Variants in CYP4F22 observed in about 807,000 individuals in gnomAD.
CYP4F22 encodes the protein ultra-long-chain fatty acid omega-hydroxylase.
CYP4F22 carries 37 observed loss-of-function variants against 60.4 expected under a neutral mutation model. The ratio of observed to expected loss-of-function variants is 0.61; its 90% CI spans 0.47 to 0.81. CYP4F22 has a LOEUF of 0.81. Among genes scored for constraint, CYP4F22 ranks in the 30% least tolerant of loss-of-function variants. CYP4F22 has a pLI of 0.00. For synonymous variants in CYP4F22, 258 were observed against 280.5 expected (o/e 0.92, Z 0.80); for missense variants, 655 against 715.0 (o/e 0.92, Z 0.96).
intron 1 of CYP4F22, among the ~76,000 whole-genome samples, chr19:15,511,213 T>C (rs1971088279): frequency 6.6e-6 from 1 of 150,994 alleles, no homozygotes; most frequent in Admixed American, 6.6e-5. Flanking sequence ...TGATCCTCCC[T>C]CCTCCCAAAG....
At chr19:15,535,519 C>T (rs1971385275) in intron 4 of CYP4F22, among the ~76,000 whole-genome samples, 1 of 152,166 alleles carries the variant, frequency 6.6e-6, no homozygotes, top group South Asian at 2.1e-4. Flanking sequence ...CCCATTCAGC[C>T]CCAAATCTGT....
At chr19:15,517,457 A>G (rs1971169301) in intron 1 of CYP4F22, among the ~76,000 whole-genome samples, 2 of 152,178 alleles carry the variant, frequency 1.3e-5, no homozygotes, top group South Asian at 4.1e-4. Context: ...AAGCGGACAC[A>G]GGGCTCCACA....
At chr19:15,533,878 T>A (rs1971369613) in intron 4 of CYP4F22, among the ~76,000 whole-genome samples, 1 of 152,102 alleles carries the variant, frequency 6.6e-6, no homozygotes, top group Non-Finnish European at 1.5e-5. Flanking sequence ...CATTCACCTT[T>A]TGGATGTTGT....
chr19:15,545,153 A>G (rs913561053), intron 10 of CYP4F22, among the ~76,000 whole-genome samples: 17 of 152,118 alleles, frequency 1.1e-4, no homozygotes, highest in Middle Eastern at 3.4e-3. Flanking sequence ...TGCATTGGCT[A>G]AAACAAGTCA....
chr19:15,510,966 A>ATATTTTTTTTTTTT (rs34055543), intron 1 of CYP4F22, among the ~76,000 whole-genome samples: 4 of 103,306 alleles, frequency 3.9e-5, no homozygotes, highest in African/African-American at 1.8e-4. Context: ...ATATATATAT[A>ATATTTTTTTTTTTT]TTTTTTTTTT....
intron 12 of CYP4F22, among the ~76,000 whole-genome samples, chr19:15,549,591 G>A (rs577755436): frequency 6.6e-6 from 1 of 152,258 alleles, no homozygotes; most frequent in East Asian, 1.9e-4. Context: ...ACTTTGAGAG[G>A]CTAAGGTGGG....
At chr19:15,549,009 A>C in intron 11 of CYP4F22, 129 bp from the exon 12 acceptor site, 2 of 980,186 alleles carry the variant, frequency 2.0e-6, no homozygotes, top group South Asian at 2.8e-5. Flanking sequence ...TTTTTAGAGA[A>C]GGATGGACAG....
chr19:15,551,158 C>T (rs1259153882), intron 13 of CYP4F22, 136 bp from the exon 14 acceptor site: 1 of 1,162,394 alleles, frequency 8.6e-7, no homozygotes, highest in Non-Finnish European at 1.2e-6. Context: ...CACTTTAACC[C>T]TCACCCAGCG....
At position 15,543,779 on chromosome 19, in the gene CYP4F22, C is replaced by T. The variant is rs371887446; in HGVS notation, c.940-192C>T. ...GGCTGAGGCACGAGAATCACTTGAA[C>T]CTGACAGTCGGAGGCTGCAGTTAGC... On this transcript the variant is annotated intron_variant, in intron 8 of 13. Coordinates refer to ENST00000269703, the MANE Select transcript of CYP4F22 (RefSeq NM_173483.4). Among the ~76,000 whole-genome samples the T allele has an allele frequency of 2.4e-4, 36 of 150,856 alleles. No homozygotes were observed. In the East Asian group the frequency reaches 2.7e-3, roughly 11 times the overall value.
chr19:15,516,764 GA>G, intron 1 of CYP4F22: 2 of 601,892 alleles, frequency 3.3e-6, no homozygotes, highest in Admixed American at 3.0e-5. Context: ...CTGGACTCTG[GA>G]AAGATAGTCC....
In CYP4F22 at chr19:15,537,647, C is replaced by T. The variant is rs377373101; in HGVS notation, c.534C>T (p.Ser178=). The change falls in exon 6 of 14, where the codon AGC becomes AGT. Residue 178 remains serine, a synonymous_variant. Coordinates refer to ENST00000269703, the MANE Select transcript of CYP4F22 (RefSeq NM_173483.4). The part of the protein sequence containing the change: ...LKPYMKIFNQ[S]ADIMHAKWRH... ...CTTACATGAAGATCTTCAACCAGAGCGCTGACATTATGCATGTGAGTCCTA... is the reference window on the plus strand; with the variant it reads ...CTTACATGAAGATCTTCAACCAGAGTGCTGACATTATGCATGTGAGTCCTA... The T allele has an allele frequency of 3.5e-5, 56 of 1,613,128 alleles. No homozygotes were observed. The highest frequency in any genetic ancestry group is 1.6e-4 in the Middle Eastern group (1 of 6,084).
chr19:15,537,098 A>C (rs1971402830), intron 4 of CYP4F22, among the ~76,000 whole-genome samples: 1 of 152,162 alleles, frequency 6.6e-6, no homozygotes, highest in Non-Finnish European at 1.5e-5. Context: ...TAGGAGTTCG[A>C]GACCAGCCTG....
At position 15,540,737 on chromosome 19, in the gene CYP4F22, A is replaced by G. The variant is rs1555729253; in HGVS notation, c.939+20A>G. 1.9e-6 allele frequency: 3 copies of G among 1,612,184 alleles called. No homozygotes were observed. The highest frequency in any genetic ancestry group is 2.5e-6 in the Non-Finnish European group (3 of 1,178,874). Reference sequence around the variant, plus strand: ...GCCAGGGTGAGGCTGGGCCCCCTGGAATTGCTGGCCTCCCGAGGGCTGGCC... The same window carrying G: ...GCCAGGGTGAGGCTGGGCCCCCTGGGATTGCTGGCCTCCCGAGGGCTGGCC... On this transcript the variant is annotated intron_variant, in intron 8 of 13. Coordinates refer to ENST00000269703, the MANE Select transcript of CYP4F22 (RefSeq NM_173483.4).
intron 1 of CYP4F22, among the ~76,000 whole-genome samples, chr19:15,523,167 C>A (rs1342372849): frequency 1.3e-5 from 2 of 148,878 alleles, no homozygotes; most frequent in Non-Finnish European, 3.0e-5. Context: ...CCAGCCTGGC[C>A]AACATGGTGA....
intron 7 of CYP4F22, 111 bp from the exon 8 acceptor site, chr19:15,540,339 G>C: frequency 7.8e-7 from 1 of 1,281,448 alleles, no homozygotes; most frequent in Non-Finnish European, 1.1e-6. Context: ...TTAATATAGG[G>C]CTTCTCTTTG....
intron 1 of CYP4F22, chr19:15,516,714 T>G: frequency 1.8e-6 from 1 of 558,120 alleles, no homozygotes; most frequent in South Asian, 2.0e-5. Context: ...AATTCATTCT[T>G]GTTGTTTTTG....
chr19:15,536,123 G>T (rs1024165269), intron 4 of CYP4F22, among the ~76,000 whole-genome samples: 4 of 152,166 alleles, frequency 2.6e-5, no homozygotes, highest in Admixed American at 1.3e-4. Context: ...AGGATCACTT[G>T]AGCTCAGGAG....
chr19:15,549,746 T>A (rs1322012196), intron 12 of CYP4F22, among the ~76,000 whole-genome samples: 3 of 151,320 alleles, frequency 2.0e-5, no homozygotes, highest in Non-Finnish European at 4.4e-5. Flanking sequence ...GGGAAGATTG[T>A]TTGAGGCCAG....
At chr19:15,509,908 T>TC (rs1568350859) in intron 1 of CYP4F22, among the ~76,000 whole-genome samples, 1,875 of 100,376 alleles carry the variant, frequency 0.019, 49 homozygotes, top group East Asian at 0.058. Context: ...TTCCTTCCTT[T>TC]CTTTCTTTCC....
Sources: gnomAD v4.1 joint callset for allele counts (sites outside exome capture counted in the v4.1 genomes callset) on GRCh38, gnomAD v4.1.1 for gene constraint, MANE v1.5 for transcripts, NCBI Gene and HGNC (gene_info 2026-07-23, HGNC 2026-07-21) for gene names.